PLOD1: variants seen among roughly 807,000 people sequenced by gnomAD.
PLOD1 encodes procollagen-lysine,2-oxoglutarate 5-dioxygenase 1.
PLOD1 carries 70 observed loss-of-function variants against 94.7 expected under a neutral mutation model. That is an observed-to-expected ratio of 0.74 (90% CI 0.61 to 0.90). The LOEUF is 0.90. Among genes scored for constraint, PLOD1 ranks in the 40% least tolerant of loss-of-function variants. The probability of loss-of-function intolerance (pLI) is 0.00; values close to 1 mark genes in which losing one functional copy is unlikely to be tolerated. For synonymous variants in PLOD1, 417 were observed against 400.2 expected (o/e 1.04, Z -0.50); for missense variants, 905 against 972.7 (o/e 0.93, Z 0.93).
chr1:11,948,232 A>G (rs1226555499), intron 2 of PLOD1, among the ~76,000 whole-genome samples, 165 bp downstream of exon 2: 1 of 152,148 alleles, frequency 6.6e-6, no homozygotes, highest in Non-Finnish European at 1.5e-5. Context: ...ATGGGAAGAC[A>G]CAGCAGAGGA....
intron 1 of PLOD1, among the ~76,000 whole-genome samples, chr1:11,941,255 GT>G (rs1645613159): frequency 6.6e-6 from 1 of 151,774 alleles, no homozygotes; most frequent in Non-Finnish European, 1.5e-5. Flanking sequence ...TTTGTTTTTT[GT>G]TTTTGAGAGG....
chr1:11,968,316 T>C (rs1645836064), intron 16 of PLOD1, among the ~76,000 whole-genome samples: 1 of 152,038 alleles, frequency 6.6e-6, no homozygotes, highest in Admixed American at 6.6e-5. Flanking sequence ...TTTATTTCCA[T>C]AGGATTTTGA....
Position 11,958,729 on chromosome 1 carries a change from G to A in PLOD1, c.975+82G>A, listed in dbSNP as rs1645757561. ...CACAAGGTAGCCCGAGACCTCTGAG[G>A]GTCTCACCGAATCTAGCTTATCTGG... is the stretch of plus-strand genomic sequence containing the variant. On this transcript the variant is annotated intron_variant, in intron 9 of 18. Coordinates refer to ENST00000196061, the MANE Select transcript of PLOD1 (RefSeq NM_000302.4). This position sits in a 1 kb window ranked among gnomAD's most constrained non-coding sequence, Gnocchi z 4.3. 3 of 1,531,094 alleles carry A rather than the reference G, an allele frequency of 2.0e-6. No individual in the cohort carries two copies. Among genetic ancestry groups the A allele is most frequent in the Non-Finnish European group, 2.7e-6 (3 of 1,112,952 alleles). The allele number at this position is 1,531,094 out of a possible 1,614,324, so 94.8% of individuals were successfully genotyped here.
chr1:11,967,640 T>TTATATA (rs1258606958), intron 16 of PLOD1, among the ~76,000 whole-genome samples: 1 of 111,774 alleles, frequency 8.9e-6, no homozygotes. Flanking sequence ...TAGATTTTAT[T>TTATATA]TATATATATA....
At chr1:11,962,920 A>T (rs532565150) in intron 10 of PLOD1, among the ~76,000 whole-genome samples, 1 of 152,058 alleles carries the variant, frequency 6.6e-6, no homozygotes, top group African/African-American at 2.4e-5. Context: ...GCACGCCTCT[A>T]ATCCCAGCTA....
At position 11,975,454 on chromosome 1, in the gene PLOD1, T is replaced by A. The variant is rs1645897238; in HGVS notation, c.*646T>A. 1 of 165,642 alleles carries A rather than the reference T, an allele frequency of 6.0e-6. No homozygotes were observed. Among genetic ancestry groups the A allele is most frequent in the East Asian group, 1.7e-4 (1 of 5,994 alleles). 10.3% of individuals were successfully genotyped at this position (165,642 alleles called of 1,614,324 possible). A position where few individuals can be genotyped will look rare whatever the true frequency, so the allele number is the denominator to read the frequency against. On this transcript the variant is annotated 3_prime_UTR_variant, in exon 19 of 19. Transcript: ENST00000196061. ...GGAGTGACAGGTCCACACACCACACTGGGTCACCCTGTCCTGGATGCCTCT... is the reference window on the plus strand; with the variant it reads ...GGAGTGACAGGTCCACACACCACACAGGGTCACCCTGTCCTGGATGCCTCT...
intron 9 of PLOD1, among the ~76,000 whole-genome samples, chr1:11,959,435 G>GTT (rs1401605420): frequency 1.4e-5 from 2 of 143,740 alleles, no homozygotes; most frequent in African/African-American, 5.0e-5. Context: ...AGTCAAATTG[G>GTT]TTTTCTTTTC....
Position 11,972,862 on chromosome 1 carries a change from C to T in PLOD1, c.1903-10C>T. 6.2e-7 allele frequency: 1 copy of T among 1,613,962 alleles called. No homozygotes were observed. Among genetic ancestry groups the T allele is most frequent in the Non-Finnish European group, 8.5e-7 (1 of 1,179,878 alleles). ...AACACGGGCTCTCTTGTCCCCCTGC[C>T]TTGGTACAGGCCCAGTTTGACCTGG... On this transcript the variant is annotated splice_polypyrimidine_tract_variant and intron_variant, in intron 17 of 18. Transcript: ENST00000196061. The surrounding 1 kb of genome is among the most constrained non-coding windows in gnomAD (Gnocchi z 4.6).
At chr1:11,954,205 C>CATTAAAAAAGATA in intron 5 of PLOD1, 1 of 195,300 alleles carries the variant, frequency 5.1e-6, no homozygotes, top group Admixed American at 5.6e-5. Flanking sequence ...TGCGGTGGCT[C>CATTAAAAAAGATA]ACACCTGTCA....
chr1:11,964,570 C>T, intron 12 of PLOD1, 74 bp from the exon 13 acceptor site: 2 of 1,482,344 alleles, frequency 1.3e-6, no homozygotes, highest in Admixed American at 1.7e-5. Context: ...GACTCCCCAC[C>T]ACCACCCTGT....
At chr1:11,943,160 T>C (rs1645626415) in intron 1 of PLOD1, among the ~76,000 whole-genome samples, 1 of 152,024 alleles carries the variant, frequency 6.6e-6, no homozygotes, top group African/African-American at 2.4e-5. Flanking sequence ...TAGCTAATTT[T>C]TGTATTTTTA....
Position 11,946,423 on chromosome 1 carries a change from AT to A in PLOD1, c.77-1550del, listed in dbSNP as rs1257493431. On this transcript the variant is annotated intron_variant, in intron 1 of 18. Coordinates refer to ENST00000196061, the MANE Select transcript of PLOD1 (RefSeq NM_000302.4). Reference sequence around the variant, plus strand: ...CCAAAGGTCAGCAGTGGACCAGTAGATTTCAAGTCAGTTTCCACTCTGGGCC... The same window carrying A: ...CCAAAGGTCAGCAGTGGACCAGTAGATTCAAGTCAGTTTCCACTCTGGGCC... 3.3e-5 allele frequency among the ~76,000 whole-genome samples: 5 copies of A among 152,204 alleles called. No homozygotes were observed. The East Asian group carries it at 9.6e-4, about 29-fold the overall frequency.
intron 16 of PLOD1, among the ~76,000 whole-genome samples, chr1:11,969,609 C>T (rs1645846618): frequency 6.6e-6 from 1 of 152,160 alleles, no homozygotes; most frequent in South Asian, 2.1e-4. Flanking sequence ...CAGAATAACA[C>T]CCGTGTGTTA....
intron 16 of PLOD1, among the ~76,000 whole-genome samples, chr1:11,967,656 A>AT (rs1452482171): frequency 1.5e-3 from 156 of 106,866 alleles, no homozygotes; most frequent in African/African-American, 3.1e-3. Context: ...ATATATATAT[A>AT]TATTTTTTTT....
intron 9 of PLOD1, among the ~76,000 whole-genome samples, chr1:11,960,358 A>G (rs956826395): frequency 1.3e-5 from 2 of 152,210 alleles, no homozygotes; most frequent in Middle Eastern, 3.2e-3. Context: ...GGAATCAACA[A>G]TGTCTCTGGA....
chr1:11,960,819 T>C, intron 10 of PLOD1, 52 bp downstream of exon 10: 1 of 1,608,226 alleles, frequency 6.2e-7, no homozygotes, highest in South Asian at 1.1e-5. Context: ...AGGGGAGCTG[T>C]GGCTGTGGTA....
Position 11,956,723 on chromosome 1 carries a change from A to C in PLOD1, c.644-194A>C, listed in dbSNP as rs147062976. On this transcript the variant is annotated intron_variant, in intron 6 of 18. Coordinates refer to ENST00000196061, the MANE Select transcript of PLOD1 (RefSeq NM_000302.4). ...TTGGTGCCCCACGCTTGTTCAACAC[A>C]AATCCTCCCCCTCACCCCATGAAGA... is the stretch of plus-strand genomic sequence containing the variant. 3.3e-3 allele frequency among the ~76,000 whole-genome samples: 499 copies of C among 152,180 alleles called. 2 individuals are homozygous for C. Among genetic ancestry groups the C allele is most frequent in the African/African-American group, 0.011 (475 of 41,530 alleles).
At chr1:11,942,087 A>ATTCTCG (rs551139111) in intron 1 of PLOD1, among the ~76,000 whole-genome samples, 1,864 of 151,178 alleles carry the variant, frequency 0.012, 28 homozygotes, top group Non-Finnish European at 0.019. Context: ...GGTTCAAGCA[A>ATTCTCG]TTCTCGTGCC....
Position 11,972,517 on chromosome 1 carries a change from T to G in PLOD1, c.1903-355T>G, listed in dbSNP as rs1645873416. On this transcript the variant is annotated intron_variant, in intron 17 of 18. Coordinates refer to ENST00000196061, the MANE Select transcript of PLOD1 (RefSeq NM_000302.4). The surrounding 1 kb of genome is among the most constrained non-coding windows in gnomAD (Gnocchi z 4.6). ...ATCCGCCCACCTTGGCCTCCCAAAGTGCTGGAATTACAGGCGTGAGTACCA... is the reference window on the plus strand; with the variant it reads ...ATCCGCCCACCTTGGCCTCCCAAAGGGCTGGAATTACAGGCGTGAGTACCA... The G allele has an allele frequency of 1.1e-5, 3 of 279,574 alleles. No individual in the cohort carries two copies. The highest frequency in any genetic ancestry group is 2.1e-5 in the Non-Finnish European group (3 of 140,218). The allele number at this position is 279,574 out of a possible 1,614,324, so 17.3% of individuals were successfully genotyped here. A position where few individuals can be genotyped will look rare whatever the true frequency, so the allele number is the denominator to read the frequency against.
Sources: gnomAD v4.1 joint callset for allele counts (sites outside exome capture counted in the v4.1 genomes callset) on GRCh38, gnomAD v4.1.1 for gene constraint, Gnocchi (gnomAD v3.1) non-coding constraint, MANE v1.5 for transcripts, NCBI Gene and HGNC (gene_info 2026-07-23, HGNC 2026-07-21) for gene names.